Variants in POU2AF2 observed in about 807,000 individuals in gnomAD.
POU2AF2 encodes POU class 2 homeobox associating factor 2, also known as POU domain class 2-associating factor 2.
At chr11:111,263,456 G>C in the POU2AF2 span, among the ~76,000 whole-genome samples, 1 of 124,216 alleles carries the variant, frequency 8.1e-6, no homozygotes, top group Non-Finnish European at 1.6e-5. Context: ...TTTTTGAGAC[G>C]GAGTCTTACT....
chr11:111,273,873 T>C, the POU2AF2 span, among the ~76,000 whole-genome samples: 6 of 152,236 alleles, frequency 3.9e-5, no homozygotes, highest in Non-Finnish European at 7.3e-5. Context: ...GCAAATTTCA[T>C]TCAAATATAA....
At chr11:111,265,595 G>T in the POU2AF2 span, among the ~76,000 whole-genome samples, 3 of 152,046 alleles carry the variant, frequency 2.0e-5, no homozygotes, top group Non-Finnish European at 4.4e-5. Flanking sequence ...CAAAGCACCT[G>T]GTATAGCATA....
chr11:111,252,587 G>A, the POU2AF2 span, among the ~76,000 whole-genome samples: 8 of 151,480 alleles, frequency 5.3e-5, no homozygotes, highest in Non-Finnish European at 1.0e-4. Flanking sequence ...CCACCACCCC[G>A]CCCACACCCT....
the POU2AF2 span, among the ~76,000 whole-genome samples, chr11:111,271,993 G>C: frequency 6.6e-6 from 1 of 152,270 alleles, no homozygotes; most frequent in East Asian, 1.9e-4. Context: ...CTCCAGCCTG[G>C]GCAACAAGAG....
the POU2AF2 span, among the ~76,000 whole-genome samples, chr11:111,255,480 G>T: frequency 2.0e-5 from 3 of 152,166 alleles, no homozygotes; most frequent in Non-Finnish European, 4.4e-5. Flanking sequence ...ATTTAGTGCA[G>T]TAAACCAATA....
At chr11:111,246,331 A>T in the POU2AF2 span, among the ~76,000 whole-genome samples, 2 of 152,232 alleles carry the variant, frequency 1.3e-5, no homozygotes, top group Non-Finnish European at 2.9e-5. Flanking sequence ...AAGTAAGGTC[A>T]TTCTATTTAC....
chr11:111,280,040 CAAAAA>C, the POU2AF2 span, among the ~76,000 whole-genome samples: 11 of 72,614 alleles, frequency 1.5e-4, no homozygotes, highest in African/African-American at 3.3e-4. Flanking sequence ...GACTCCATCT[CAAAAA>C]AAAAAAAAAA....
At chr11:111,250,091 T>C in the POU2AF2 span, among the ~76,000 whole-genome samples, 2 of 152,204 alleles carry the variant, frequency 1.3e-5, no homozygotes, top group South Asian at 4.2e-4. Context: ...GCCAACATAT[T>C]AAAAACTGCA....
the POU2AF2 span, among the ~76,000 whole-genome samples, chr11:111,261,309 T>A: frequency 3.3e-5 from 5 of 151,966 alleles, no homozygotes; most frequent in African/African-American, 9.7e-5. Flanking sequence ...AAGTTCTGAT[T>A]GCTGCTTTTT....
the POU2AF2 span, among the ~76,000 whole-genome samples, chr11:111,266,641 T>C: frequency 6.6e-6 from 1 of 152,184 alleles, no homozygotes; most frequent in Admixed American, 6.5e-5. Context: ...GGATAAATAG[T>C]AATGAATAAT....
chr11:111,252,396 T>G, the POU2AF2 span, among the ~76,000 whole-genome samples: 1 of 152,160 alleles, frequency 6.6e-6, no homozygotes, highest in Admixed American at 6.5e-5. Flanking sequence ...TTTGCATTTC[T>G]AGCAAGTTCC....
chr11:111,271,290 T>C, the POU2AF2 span, among the ~76,000 whole-genome samples: 1 of 151,794 alleles, frequency 6.6e-6, no homozygotes, highest in Non-Finnish European at 1.5e-5. Context: ...GCCGCTGCAC[T>C]GCAGCCTGGG....
chr11:111,247,187 C>CAGAGAGAGAGAGAGAG, the POU2AF2 span, among the ~76,000 whole-genome samples: 2 of 45,072 alleles, frequency 4.4e-5, no homozygotes, highest in Non-Finnish European at 1.0e-4. Context: ...CACATACACA[C>CAGAGAGAGAGAGAGAG]ACACAGAGAG....
At chr11:111,285,204 G>A in the POU2AF2 span, among the ~76,000 whole-genome samples, 2 of 152,110 alleles carry the variant, frequency 1.3e-5, no homozygotes, top group Non-Finnish European at 2.9e-5. Flanking sequence ...TGAGGACAGA[G>A]TGGGCTTCTC....
the POU2AF2 span, among the ~76,000 whole-genome samples, chr11:111,248,118 C>A: frequency 6.6e-6 from 1 of 151,958 alleles, no homozygotes; most frequent in African/African-American, 2.4e-5. Flanking sequence ...GATCTCCTGA[C>A]CTTGTGATCC....
chr11:111,254,321 G>T, the POU2AF2 span, among the ~76,000 whole-genome samples: 1 of 152,182 alleles, frequency 6.6e-6, no homozygotes. Context: ...AGACACAAAT[G>T]ATGATTCAAA....
At chr11:111,256,674 G>T in the POU2AF2 span, among the ~76,000 whole-genome samples, 2 of 152,182 alleles carry the variant, frequency 1.3e-5, no homozygotes, top group East Asian at 3.8e-4. Flanking sequence ...TCTAATCATG[G>T]CACGTCTGTT....
the POU2AF2 span, among the ~76,000 whole-genome samples, chr11:111,280,055 AAAATAT>A: frequency 0.055 from 3,597 of 65,382 alleles, 61 homozygotes; most frequent in Non-Finnish European, 0.086. Context: ...AAAAAAAAAA[AAAATAT>A]ATATATATAT....
At chr11:111,255,781 A>G in the POU2AF2 span, among the ~76,000 whole-genome samples, 1 of 152,192 alleles carries the variant, frequency 6.6e-6, no homozygotes. Flanking sequence ...TCTGTCACTT[A>G]GTAGAGCTTA....
Sources: gnomAD v4.1 joint callset for allele counts (sites outside exome capture counted in the v4.1 genomes callset) on GRCh38, gnomAD v4.1.1 for gene constraint, MANE v1.5 for transcripts, NCBI Gene and HGNC (gene_info 2026-07-23, HGNC 2026-07-21) for gene names.